MGAT4C: variants seen among roughly 807,000 people sequenced by gnomAD.
The protein encoded by MGAT4C is MGAT4 family member C.
Under a neutral mutation model 40.1 loss-of-function variants are expected in MGAT4C, and 19 were observed. The observed-to-expected ratio is 0.47, with a 90% confidence interval of 0.33 to 0.70. The LOEUF is 0.70. Ranked by LOEUF, MGAT4C falls within the 30% of genes least tolerant of loss-of-function variation. The pLI, the probability that MGAT4C is intolerant of heterozygous loss-of-function variation, is 0.02. For missense variants in MGAT4C, 491 were observed against 563.2 expected, an observed-to-expected ratio of 0.87 and a Z score of 1.30; for synonymous variants, 181 against 187.1, an observed-to-expected ratio of 0.97 and a Z score of 0.27.
intron 2 of MGAT4C, among the ~76,000 whole-genome samples, chr12:86,496,018 T>C (rs1180114179): frequency 6.6e-6 from 1 of 151,832 alleles, no homozygotes; most frequent in East Asian, 1.9e-4. Flanking sequence ...GATAGGGAGA[T>C]GGATTTGAGA....
intron 1 of MGAT4C, among the ~76,000 whole-genome samples, chr12:86,754,190 G>T (rs1951265754): frequency 6.6e-6 from 1 of 152,058 alleles, no homozygotes; most frequent in Non-Finnish European, 1.5e-5. Flanking sequence ...ATATGCAATA[G>T]CATAAACAAA....
At chr12:86,694,612 T>C (rs1329819024) in intron 2 of MGAT4C, among the ~76,000 whole-genome samples, 1 of 152,294 alleles carries the variant, frequency 6.6e-6, no homozygotes, top group South Asian at 2.1e-4. Flanking sequence ...ATATGTCATG[T>C]CAGGGTCACT....
intron 1 of MGAT4C, among the ~76,000 whole-genome samples, chr12:86,077,530 G>T (rs1869978758): frequency 6.6e-6 from 1 of 152,206 alleles, no homozygotes; most frequent in East Asian, 1.9e-4. Context: ...CTCATTTCTG[G>T]AGTTGCTCCT....
At chr12:86,271,880 T>G (rs1421789124) in intron 4 of MGAT4C, among the ~76,000 whole-genome samples, 3 of 152,202 alleles carry the variant, frequency 2.0e-5, no homozygotes, top group Non-Finnish European at 4.4e-5. Context: ...GTCATTATCT[T>G]AAGTGAAATG....
At chr12:86,690,625 G>T (rs1034366899) in intron 2 of MGAT4C, among the ~76,000 whole-genome samples, 3 of 152,104 alleles carry the variant, frequency 2.0e-5, no homozygotes, top group Non-Finnish European at 4.4e-5. Flanking sequence ...GCTTCTGCTT[G>T]CCCTCTGTGG....
intron 2 of MGAT4C, among the ~76,000 whole-genome samples, chr12:86,622,723 T>TA (rs1371221788): frequency 1.3e-5 from 2 of 152,120 alleles, no homozygotes; most frequent in South Asian, 4.1e-4. Context: ...TAAACAAGTT[T>TA]AAAAAATTAC....
chr12:85,957,878 T>C lies in MGAT4C; in HGVS notation c.*21411A>G, dbSNP rs1181048794. ...TTTATTTATTGGCTTTTGTTGCTTT[T>C]TCTCCAAGAAAATTTGGAATGTTTT... is the stretch of plus-strand genomic sequence containing the variant. On this transcript the variant is annotated 3_prime_UTR_variant, in exon 5 of 5. Transcript: ENST00000611864. The C allele has an allele frequency of 6.6e-6, 1 of 152,140 alleles. No homozygotes were observed. Among genetic ancestry groups the C allele is most frequent in the African/African-American group, 2.4e-5 (1 of 41,432 alleles). The allele number at this position is 152,140 out of a possible 1,614,324, so 9.4% of individuals were successfully genotyped here. A position where few individuals can be genotyped will look rare whatever the true frequency, so the allele number is the denominator to read the frequency against.
intron 4 of MGAT4C, among the ~76,000 whole-genome samples, chr12:86,277,378 C>CA (rs1953102334): frequency 6.6e-6 from 1 of 152,070 alleles, no homozygotes; most frequent in African/African-American, 2.4e-5. Flanking sequence ...GTTTACTGTG[C>CA]AAAAAGCTGT....
At chr12:86,386,728 A>C (rs189943513) in intron 3 of MGAT4C, among the ~76,000 whole-genome samples, 1 of 152,332 alleles carries the variant, frequency 6.6e-6, no homozygotes, top group Non-Finnish European at 1.5e-5. Context: ...AAAAAATATT[A>C]TGGAATAAGG....
chr12:86,730,148 G>A (rs1471770718), intron 1 of MGAT4C, among the ~76,000 whole-genome samples: 1 of 151,768 alleles, frequency 6.6e-6, no homozygotes, highest in African/African-American at 2.4e-5. Context: ...AAATAAATCT[G>A]GTCGAACATA....
chr12:86,561,252 A>G (rs542298306), intron 2 of MGAT4C, among the ~76,000 whole-genome samples: 78 of 152,342 alleles, frequency 5.1e-4, no homozygotes, highest in African/African-American at 1.9e-3. Context: ...ATATGGAACC[A>G]CAAAAGACCC....
At chr12:86,080,991 T>C (rs1870732819) in intron 1 of MGAT4C, among the ~76,000 whole-genome samples, 1 of 152,288 alleles carries the variant, frequency 6.6e-6, no homozygotes, top group Admixed American at 6.5e-5. Context: ...TTTCTGAGCA[T>C]TCAACTTAAA....
chr12:86,648,340 T>C (rs117896182), intron 2 of MGAT4C, among the ~76,000 whole-genome samples: 71 of 152,014 alleles, frequency 4.7e-4, no homozygotes, highest in Admixed American at 1.5e-3. Flanking sequence ...TTTGATGTGG[T>C]TTTGTTGTCA....
chr12:86,012,747 C>T (rs1216971226), intron 2 of MGAT4C, among the ~76,000 whole-genome samples: 4 of 145,918 alleles, frequency 2.7e-5, no homozygotes, highest in Non-Finnish European at 6.0e-5. Context: ...AGAGAAACTC[C>T]GTCTCAAACA....
At chr12:86,533,459 A>G (rs1240835513) in intron 2 of MGAT4C, among the ~76,000 whole-genome samples, 1 of 151,864 alleles carries the variant, frequency 6.6e-6, no homozygotes, top group Non-Finnish European at 1.5e-5. Context: ...CAAGAATTCT[A>G]GTTTGGCTCT....
In MGAT4C at chr12:86,803,268, G is replaced by C. The variant is rs1952269512; in HGVS notation, c.-262+35398C>G. ...ACACCTTATACAAAAATCAATTCAA[G>C]ATGGATTAAAGATTTAAACGTTAGA... On this transcript the variant is annotated intron_variant, in intron 1 of 7. Transcript: ENST00000548651. 2.0e-5 allele frequency among the ~76,000 whole-genome samples: 3 copies of C among 151,228 alleles called. No individual in the cohort carries two copies. The South Asian group carries it at 6.3e-4, about 32-fold the overall frequency.
chr12:86,205,286 GA>G (rs2135943685), intron 1 of MGAT4C, among the ~76,000 whole-genome samples: 1 of 150,918 alleles, frequency 6.6e-6, no homozygotes, highest in South Asian at 2.1e-4. Context: ...TATATGCATT[GA>G]AAAATTATAC....
At chr12:86,532,406 A>G (rs74711471) in intron 2 of MGAT4C, among the ~76,000 whole-genome samples, 4,157 of 152,154 alleles carry the variant, frequency 0.027, 156 homozygotes, top group African/African-American at 0.086. Context: ...TTTTAACTAA[A>G]GACAAAGTAG....
intron 2 of MGAT4C, among the ~76,000 whole-genome samples, chr12:86,707,612 C>A (rs888320728): frequency 4.6e-5 from 7 of 151,538 alleles, no homozygotes; most frequent in East Asian, 3.9e-4. Context: ...CTCACTGCAA[C>A]CTCCGCCTCC....
Sources: gnomAD v4.1 joint callset for allele counts (sites outside exome capture counted in the v4.1 genomes callset) on GRCh38, gnomAD v4.1.1 for gene constraint, MANE v1.5 for transcripts, NCBI Gene and HGNC (gene_info 2026-07-23, HGNC 2026-07-21) for gene names.